Variants in ZC3H14 observed in about 807,000 individuals in gnomAD.
ZC3H14 encodes the protein zinc finger CCCH-type containing 14, also known as zinc finger CCCH domain-containing protein 14.
Under a neutral mutation model 92.4 loss-of-function variants are expected in ZC3H14, and 31 were observed. The observed-to-expected ratio is 0.34, with a 90% CI of 0.25 to 0.45. The LOEUF is 0.45. Among genes scored for constraint, ZC3H14 ranks in the 20% least tolerant of loss-of-function variants. The pLI is 1.00. For missense variants in ZC3H14, 781 were observed against 897.3 expected, an observed-to-expected ratio of 0.87 and a Z score of 1.66; for synonymous variants, 321 against 300.9, an observed-to-expected ratio of 1.07 and a Z score of -0.69.
At chr14:88,565,153 T>A (rs2079401143) in intron 2 of ZC3H14, among the ~76,000 whole-genome samples, 1 of 151,908 alleles carries the variant, frequency 6.6e-6, no homozygotes, top group South Asian at 2.1e-4. Flanking sequence ...ATTATTATTA[T>A]TTTTTTTGAG....
At position 88,618,592 on chromosome 14, in the gene ZC3H14, A is replaced by T; in HGVS notation, c.*6841A>T. ...TCAGGAACTTTAAATGCATTCACTA[A>T]CACGAAATGTAAAAGCAGAAGAACT... On this transcript the variant is annotated 3_prime_UTR_variant, in exon 17 of 17. Transcript: ENST00000251038. 1 of 1,549,170 alleles carries T rather than the reference A, an allele frequency of 6.5e-7. No individual in the cohort carries two copies. The highest frequency in any genetic ancestry group is 8.7e-7 in the Non-Finnish European group (1 of 1,147,098).
intron 13 of ZC3H14, chr14:88,608,480 C>A: frequency 3.3e-6 from 1 of 302,548 alleles, no homozygotes; most frequent in Non-Finnish European, 6.5e-6. Flanking sequence ...GTGACAATTA[C>A]CATGGCCCTC....
At position 88,620,625 on chromosome 14, in the gene ZC3H14, T is replaced by C. The variant is rs765744509; in HGVS notation, c.*8874T>C. 5.6e-5 allele frequency: 42 copies of C among 743,450 alleles called. No individual in the cohort carries two copies. The highest frequency in any genetic ancestry group is 8.1e-5 in the Non-Finnish European group (41 of 505,178). The allele number at this position is 743,450 out of a possible 1,614,324, so 46.1% of individuals were successfully genotyped here. A position where few individuals can be genotyped will look rare whatever the true frequency, so the allele number is the denominator to read the frequency against. On this transcript the variant is annotated 3_prime_UTR_variant, in exon 17 of 17. Transcript: ENST00000251038. This position sits in a 1 kb window ranked among gnomAD's most constrained non-coding sequence, Gnocchi z 4.3. ...GTATACAAACAGCCATATTTTAGCA[T>C]ACAATTTATAATACGGGAAATGCTA...
Position 88,622,570 on chromosome 14 carries a change from C to A in ZC3H14, c.*10819C>A. The A allele has an allele frequency of 6.6e-7, 1 of 1,509,774 alleles. No individual in the cohort carries two copies. Among genetic ancestry groups the A allele is most frequent in the Non-Finnish European group, 9.0e-7 (1 of 1,116,976 alleles). The allele number at this position is 1,509,774 out of a possible 1,614,324, so 93.5% of individuals were successfully genotyped here. A position where few individuals can be genotyped will look rare whatever the true frequency, so the allele number is the denominator to read the frequency against. ...CACAGTAATAACCACTTTCTGTTTTCTGCTGCACTGTATCAGCTCATGGAA... is the reference window on the plus strand; with the variant it reads ...CACAGTAATAACCACTTTCTGTTTTATGCTGCACTGTATCAGCTCATGGAA... On this transcript the variant is annotated 3_prime_UTR_variant, in exon 17 of 17. Coordinates refer to ENST00000251038, the MANE Select transcript of ZC3H14 (RefSeq NM_024824.5).
chr14:88,611,746 G>C lies in ZC3H14; in HGVS notation c.2206G>C (p.Glu736Gln), dbSNP rs144843433. The C allele has an allele frequency of 1.2e-6, 2 of 1,613,960 alleles. No individual in the cohort carries two copies. Among genetic ancestry groups the C allele is most frequent in the African/African-American group, 1.3e-5 (1 of 75,036 alleles). ...ALKWIRPQTS[E>Q] ...CAATTTTTGGTTCTGTTCATTCAGC[G>C]AATAGCACCCAGTCCTGCCTGGCAG... is the stretch of plus-strand genomic sequence containing the variant. The change falls in exon 17 of 17, where the codon GAA becomes CAA. Residue 736 changes from glutamate to glutamine, a missense_variant and splice_region_variant. Physicochemically the swap from Glu to Gln is conservative, Grantham distance 29 (BLOSUM62 2). Transcript: ENST00000251038.
chr14:88,597,720 GCT>G (rs1248903717), intron 10 of ZC3H14, among the ~76,000 whole-genome samples: 1 of 152,164 alleles, frequency 6.6e-6, no homozygotes, highest in African/African-American at 2.4e-5. Flanking sequence ...CCGTGATTTT[GCT>G]CTCTCATCTC....
In ZC3H14 at chr14:88,625,086, A is replaced by G. The variant is rs779906020; in HGVS notation, c.*13335A>G. ...TACACAATATGTGATCTTTCCACACACAGACATCACCACTGATGGTACCTG... is the reference window on the plus strand; with the variant it reads ...TACACAATATGTGATCTTTCCACACGCAGACATCACCACTGATGGTACCTG... On this transcript the variant is annotated 3_prime_UTR_variant, in exon 17 of 17. Coordinates refer to ENST00000251038, the MANE Select transcript of ZC3H14 (RefSeq NM_024824.5). 5.0e-6 allele frequency: 8 copies of G among 1,614,000 alleles called. No individual in the cohort carries two copies. The South Asian group carries it at 8.8e-5, about 18-fold the overall frequency.
intron 16 of ZC3H14, 113 bp from the exon 17 acceptor site, chr14:88,611,632 T>C (rs2086797108): frequency 8.1e-7 from 1 of 1,241,682 alleles, no homozygotes; most frequent in Admixed American, 1.9e-5. Context: ...TATATTGTAA[T>C]CTTATGACCA....
At chr14:88,594,819 T>C in intron 9 of ZC3H14, 1 of 1,614,112 alleles carries the variant, frequency 6.2e-7, no homozygotes, top group Non-Finnish European at 8.5e-7. Flanking sequence ...GCTCCTCTTG[T>C]TCACTGAATG....
intron 1 of ZC3H14, chr14:88,563,397 C>T: frequency 3.5e-6 from 5 of 1,435,608 alleles, no homozygotes; most frequent in Non-Finnish European, 3.6e-6. Flanking sequence ...AGGACAGGCG[C>T]AGGCCCGGCT....
chr14:88,623,054 C>G lies in ZC3H14; in HGVS notation c.*11303C>G, dbSNP rs2089311997. 6.5e-6 allele frequency: 1 copy of G among 154,200 alleles called. No homozygotes were observed. The allele number at this position is 154,200 out of a possible 1,614,324, so 9.6% of individuals were successfully genotyped here. ...TTTTTAAGATGTAGTCTCGCTCTGT[C>G]TCCCAGGCTTGAGTGCAGTGGCATG... is the stretch of plus-strand genomic sequence containing the variant. On this transcript the variant is annotated 3_prime_UTR_variant, in exon 17 of 17. Coordinates refer to ENST00000251038, the MANE Select transcript of ZC3H14 (RefSeq NM_024824.5).
Position 88,602,814 on chromosome 14 carries a change from T to A in ZC3H14, c.1515-14T>A. ...GTTTCCCTAATTCTATGGTATTTTTTATCTGTCTGGCAGAGATCTTGTACA... is the reference window on the plus strand; with the variant it reads ...GTTTCCCTAATTCTATGGTATTTTTAATCTGTCTGGCAGAGATCTTGTACA... On this transcript the variant is annotated splice_polypyrimidine_tract_variant and intron_variant, in intron 11 of 16. Transcript: ENST00000251038. The A allele has an allele frequency of 6.2e-7, 1 of 1,613,546 alleles. No homozygotes were observed.
rs1472647006 is a variant in ZC3H14 at position 88,578,057 on chromosome 14, T to C, written c.1196T>C (p.Val399Ala). 6.2e-7 allele frequency: 1 copy of C among 1,614,118 alleles called. No individual in the cohort carries two copies. Residue 399 changes from valine (V) to alanine (A), a missense_variant, in exon 9 of 17, where the codon GTC becomes GCC. Physicochemically the swap from Val to Ala is moderately conservative, Grantham distance 64 (BLOSUM62 0). Around this residue, in one of 3 missense-constraint regions of ZC3H14, gnomAD observed 454 missense variants for 438.5 expected, o/e 1.04. Transcript: ENST00000251038. ...TSQEELLAEVVQGQSRTPRIS... is the reference protein window; with the variant it reads ...TSQEELLAEVAQGQSRTPRIS... ...CAAGAAGAATTGCTAGCAGAAGTGG[T>C]CCAGGGACAAAGTAGGACCCCCAGA...
At chr14:88,584,936 T>C (rs1010600200) in intron 9 of ZC3H14, among the ~76,000 whole-genome samples, 31 of 151,374 alleles carry the variant, frequency 2.0e-4, no homozygotes, top group Admixed American at 5.3e-4. Flanking sequence ...GAATTTAACA[T>C]AAGAACCATG....
In ZC3H14 at chr14:88,567,395, A is replaced by G. The variant is rs548502754; in HGVS notation, c.80-644A>G. Among the ~76,000 whole-genome samples the G allele has an allele frequency of 1.4e-3, 211 of 148,442 alleles. 1 individual carries two copies. The highest frequency in any genetic ancestry group is 2.4e-3 in the Non-Finnish European group (160 of 67,394). ...CTCCCAAAGTGCTGGGATTACAGGCATGAGCCACCGCGCCTGGCCTTTTTT... is the reference window on the plus strand; with the variant it reads ...CTCCCAAAGTGCTGGGATTACAGGCGTGAGCCACCGCGCCTGGCCTTTTTT... On this transcript the variant is annotated intron_variant, in intron 2 of 16. Transcript: ENST00000251038.
chr14:88,587,601 C>T (rs913894884), intron 9 of ZC3H14, among the ~76,000 whole-genome samples: 1 of 152,106 alleles, frequency 6.6e-6, no homozygotes, highest in East Asian at 1.9e-4. Context: ...TTAGTTAAGA[C>T]TTAGTCGATT....
In ZC3H14 at chr14:88,603,798, A is replaced by G. The variant is rs993347929; in HGVS notation, c.1747+738A>G. Among the ~76,000 whole-genome samples the G allele has an allele frequency of 2.0e-5, 3 of 152,374 alleles. No homozygotes were observed. In the East Asian group the frequency reaches 5.8e-4, roughly 29 times the overall value. On this transcript the variant is annotated intron_variant, in intron 12 of 16. Transcript: ENST00000251038. Reference sequence around the variant, plus strand: ...AAAGGAAAAACAGTAATGGATTTTGAAACATTTCCTTGAGTAATCCTCTTC... The same window carrying G: ...AAAGGAAAAACAGTAATGGATTTTGGAACATTTCCTTGAGTAATCCTCTTC...
Position 88,574,833 on chromosome 14 carries a change from G to A in ZC3H14, c.1002G>A (p.Val334=). The A allele has an allele frequency of 1.9e-6, 3 of 1,614,208 alleles. No individual in the cohort carries two copies. The highest frequency in any genetic ancestry group is 2.5e-6 in the Non-Finnish European group (3 of 1,180,030). ...RTGSISSSVS[V]PAKPERRPSL... is the part of the protein sequence containing the mutation. ...GAAGCATCTCCAGCAGTGTGTCTGTGCCTGCAAAGCCTGAAAGGAGGTACC... is the reference window on the plus strand; with the variant it reads ...GAAGCATCTCCAGCAGTGTGTCTGTACCTGCAAAGCCTGAAAGGAGGTACC... The change falls in exon 7 of 17, where the codon GTG becomes GTA. Residue 334 remains valine (V), a synonymous_variant. Coordinates refer to ENST00000251038, the MANE Select transcript of ZC3H14 (RefSeq NM_024824.5).
At chr14:88,595,823 A>C (rs2083738846) in intron 9 of ZC3H14, among the ~76,000 whole-genome samples, 1 of 152,258 alleles carries the variant, frequency 6.6e-6, no homozygotes, top group East Asian at 1.9e-4. Context: ...GGATATACCC[A>C]AAATCAGCAT....
Sources: gnomAD v4.1 joint callset for allele counts (sites outside exome capture counted in the v4.1 genomes callset) on GRCh38, gnomAD v4.1.1 for gene constraint, gnomAD v4.1.1 regional missense constraint, Gnocchi (gnomAD v3.1) non-coding constraint, MANE v1.5 for transcripts, NCBI Gene and HGNC (gene_info 2026-07-23, HGNC 2026-07-21) for gene names.